MMP26: variants seen among roughly 807,000 people sequenced by gnomAD.
MMP26 encodes matrix metallopeptidase 26, also known as matrix metalloproteinase-26.
MMP26 carries 33 observed loss-of-function variants against 31.0 expected under a neutral mutation model. The ratio of observed to expected loss-of-function variants is 1.06; its 90% CI spans 0.81 to 1.42. The LOEUF is 1.42. Ranked by LOEUF, MMP26 falls within the 40% of genes most tolerant of loss-of-function variation. The pLI is 0.00. For synonymous variants in MMP26, 122 were observed against 114.9 expected (o/e 1.06, Z -0.40); for missense variants, 347 against 316.1 (o/e 1.10, Z -0.74).
chr11:4,706,432 T>C lies in MMP26; in HGVS notation c.-217+1387T>C, dbSNP rs550839626. Among the ~76,000 whole-genome samples the C allele has an allele frequency of 1.2e-3, 178 of 151,538 alleles. 1 individual carries two copies. The highest frequency in any genetic ancestry group is 4.1e-3 in the African/African-American group (171 of 41,404). On this transcript the variant is annotated intron_variant, in intron 1 of 7. Transcript: ENST00000380390. ...AAAAAATTATCCAGGCATGATGGTG[T>C]GTGCCTGTAGTCTCAGCTACTTTAC...
chr11:4,935,362 A>T (rs1365226852), intron 2 of MMP26, among the ~76,000 whole-genome samples: 7 of 151,902 alleles, frequency 4.6e-5, no homozygotes, highest in African/African-American at 1.7e-4. Context: ...TTCACTCATG[A>T]TTTGGCTCTC....
chr11:4,862,233 G>A (rs1850171778), intron 2 of MMP26, among the ~76,000 whole-genome samples: 2 of 152,078 alleles, frequency 1.3e-5, no homozygotes, highest in South Asian at 2.1e-4. Context: ...TTTCCAGTGA[G>A]TATAGCTAAA....
intron 2 of MMP26, chr11:4,769,104 TG>T (rs1396325743): frequency 8.8e-6 from 14 of 1,599,502 alleles, no homozygotes; most frequent in Non-Finnish European, 1.2e-5. Context: ...TGGACTACTC[TG>T]GGGGCTGACC....
chr11:4,910,887 C>A (rs897559152), intron 2 of MMP26, among the ~76,000 whole-genome samples: 12 of 152,074 alleles, frequency 7.9e-5, no homozygotes, highest in African/African-American at 2.9e-4. Flanking sequence ...TCCCTGAGGA[C>A]AGAGTCCTAA....
At chr11:4,857,274 A>G (rs1850067623) in intron 2 of MMP26, among the ~76,000 whole-genome samples, 1 of 151,592 alleles carries the variant, frequency 6.6e-6, no homozygotes, top group Admixed American at 6.6e-5. Context: ...AAAAAAAATC[A>G]GTGAAACCAG....
Position 4,832,648 on chromosome 11 carries a change from C to T in MMP26, c.-145+65307C>T, listed in dbSNP as rs115883950. 4.0e-3 allele frequency: 733 copies of T among 183,360 alleles called. 5 individuals are homozygous for T. Among genetic ancestry groups the T allele is most frequent in the African/African-American group, 0.016 (668 of 42,270 alleles). 11.4% of individuals were successfully genotyped at this position (183,360 alleles called of 1,614,324 possible). On this transcript the variant is annotated intron_variant, in intron 2 of 7. Coordinates refer to ENST00000380390, the MANE Select transcript of MMP26 (RefSeq NM_021801.5). ...AAAGAGACTCAGATACTGTAATAAA[C>T]ACCTTTTATCCCACTCCTACTGCCT...
chr11:4,849,684 C>A (rs1849946422), intron 2 of MMP26, among the ~76,000 whole-genome samples: 1 of 152,098 alleles, frequency 6.6e-6, no homozygotes, highest in African/African-American at 2.4e-5. Context: ...TCCTTTATTT[C>A]TAAATTAAGG....
intron 1 of MMP26, among the ~76,000 whole-genome samples, chr11:4,750,861 A>T (rs1848439038): frequency 6.6e-6 from 1 of 151,982 alleles, no homozygotes; most frequent in Admixed American, 6.6e-5. Context: ...AAAAGCCCAG[A>T]CTTCAGCACT....
chr11:4,883,753 T>G (rs1420299497), intron 2 of MMP26, among the ~76,000 whole-genome samples: 1 of 152,190 alleles, frequency 6.6e-6, no homozygotes, highest in East Asian at 1.9e-4. Context: ...TTGATGCTTT[T>G]GAATAGGAAA....
intron 2 of MMP26, chr11:4,822,097 T>A: frequency 6.2e-7 from 1 of 1,613,256 alleles, no homozygotes; most frequent in Non-Finnish European, 8.5e-7. Flanking sequence ...GATCATTCGA[T>A]CTGTCCTCAG....
intron 2 of MMP26, chr11:4,803,758 G>C (rs1414711071): frequency 6.2e-7 from 1 of 1,613,670 alleles, no homozygotes; most frequent in South Asian, 1.1e-5. Flanking sequence ...GCCAGCCACA[G>C]AGAAGGCCAC....
At chr11:4,906,045 C>T (rs991444104) in intron 2 of MMP26, among the ~76,000 whole-genome samples, 1 of 152,024 alleles carries the variant, frequency 6.6e-6, no homozygotes, top group African/African-American at 2.4e-5. Flanking sequence ...ATAATCCAAT[C>T]AAGATGGATA....
At chr11:4,952,514 C>T (rs1846384526) in intron 2 of MMP26, among the ~76,000 whole-genome samples, 1 of 125,642 alleles carries the variant, frequency 8.0e-6, no homozygotes, top group African/African-American at 2.7e-5. Flanking sequence ...AACACAGAAG[C>T]AGTTCTTGCC....
At chr11:4,806,786 G>A (rs1849276231) in intron 2 of MMP26, among the ~76,000 whole-genome samples, 1 of 152,198 alleles carries the variant, frequency 6.6e-6, no homozygotes, top group Admixed American at 6.5e-5. Context: ...ATACTTGTAT[G>A]TAGAGTATGG....
At chr11:4,874,621 T>G (rs2133530009) in intron 2 of MMP26, among the ~76,000 whole-genome samples, 1 of 151,742 alleles carries the variant, frequency 6.6e-6, no homozygotes, top group East Asian at 1.9e-4. Context: ...TCTGAGATTC[T>G]CAGAAGGGTT....
At position 4,988,250 on chromosome 11, in the gene MMP26, C is replaced by T. The variant is rs751968307; in HGVS notation, c.39C>T (p.Pro13=). The T allele has an allele frequency of 5.6e-6, 9 of 1,613,956 alleles. No individual in the cohort carries two copies. In the South Asian group the frequency reaches 9.9e-5, roughly 18 times the overall value. Reference sequence around the variant, plus strand: ...TCTTAAGAGTTACTATCTTCTTGCCCTGGTGTTTCGCCGTTCCAGTGCCCC... The same window carrying T: ...TCTTAAGAGTTACTATCTTCTTGCCTTGGTGTTTCGCCGTTCCAGTGCCCC... ...LVILRVTIFL[P]WCFAVPVPPA... Residue 13 remains proline, a synonymous_variant, in exon 3 of 8, where the codon CCC becomes CCT. Transcript: ENST00000380390.
chr11:4,973,080 T>TGTGTTTGGCAAACC, intron 2 of MMP26: 1 of 173,108 alleles, frequency 5.8e-6, no homozygotes, highest in South Asian at 1.7e-4. Flanking sequence ...ATTGGGAAAC[T>TGTGTTTGGCAAACC]GTGTTTGGCA....
At chr11:4,800,148 C>A (rs1849162309) in intron 2 of MMP26, among the ~76,000 whole-genome samples, 1 of 152,214 alleles carries the variant, frequency 6.6e-6, no homozygotes, top group Admixed American at 6.5e-5. Context: ...CACTCTGACA[C>A]CACATTTCCC....
intron 2 of MMP26, among the ~76,000 whole-genome samples, chr11:4,904,946 G>C (rs1234840710): frequency 6.6e-6 from 1 of 152,224 alleles, no homozygotes. Flanking sequence ...GGTAGTAATG[G>C]AGTTTGGTAG....
Sources: allele counts gnomAD v4.1 joint callset (sites outside exome capture counted in the v4.1 genomes callset), GRCh38; gene constraint gnomAD v4.1.1; transcripts MANE v1.5; gene names NCBI Gene and HGNC (gene_info 2026-07-23, HGNC 2026-07-21).